Variants in RGS22 observed in about 807,000 individuals in gnomAD.
The protein encoded by RGS22 is regulator of G-protein signaling 22.
Under a neutral mutation model 172.9 loss-of-function variants are expected in RGS22, and 148 were observed. The observed-to-expected ratio is 0.86, with a 90% CI of 0.75 to 0.98. The LOEUF (loss-of-function observed/expected upper bound fraction) is 0.98. Among genes scored for constraint, RGS22 ranks in the 50% least tolerant of loss-of-function variants. The pLI is 0.00. For synonymous variants in RGS22, 458 were observed against 480.2 expected (o/e 0.95, Z 0.60); for missense variants, 1,347 against 1,440.8 (o/e 0.93, Z 1.05).
intron 14 of RGS22, among the ~76,000 whole-genome samples, chr8:100,016,498 C>T (rs895765316): frequency 2.0e-5 from 3 of 152,152 alleles, no homozygotes; most frequent in African/African-American, 7.2e-5. Context: ...CACTCTCCTG[C>T]TGGGTGTGGT....
chr8:100,098,403 C>T lies in RGS22; in HGVS notation c.55-4894G>A, dbSNP rs116591477. 4.6e-3 allele frequency among the ~76,000 whole-genome samples: 695 copies of T among 152,234 alleles called. 8 individuals carry two copies. Among genetic ancestry groups the T allele is most frequent in the African/African-American group, 0.016 (645 of 41,538 alleles). On this transcript the variant is annotated intron_variant, in intron 2 of 27. Transcript: ENST00000360863. ...AGAAAAGGGTCAGAAAAAGAGAATG[C>T]AAGGTGAGACAAGCTCCACAACACA...
At chr8:100,013,981 CTTAT>C (rs1310473263) in intron 14 of RGS22, among the ~76,000 whole-genome samples, 2 of 152,114 alleles carry the variant, frequency 1.3e-5, no homozygotes, top group African/African-American at 4.8e-5. Flanking sequence ...TACATTTTTG[CTTAT>C]TTCTAATCAA....
In RGS22 at chr8:100,063,755, TC is replaced by T; in HGVS notation, c.1012del (p.Glu338LysfsTer6). 1.2e-6 allele frequency: 2 copies of T among 1,614,100 alleles called. No homozygotes were observed. Among genetic ancestry groups the T allele is most frequent in the Non-Finnish European group, 1.7e-6 (2 of 1,180,000 alleles). The stretch of plus-strand genomic sequence containing the variant: ...GTTGAAGTTTATATAGTCTGGGGTT[TC>T]TCCAACTGGCTTTCCAACAATTTGC... Reference protein sequence around the residue: ...IQQIVGKPVGETPDYINFNNI... With the variant: ...IQQIVGKPVGXTPDYINFNNI... On this transcript the variant is annotated frameshift_variant, in exon 8 of 28. Coordinates refer to ENST00000360863, the MANE Select transcript of RGS22 (RefSeq NM_015668.5). LOFTEE classifies it high-confidence loss of function.
At chr8:99,992,965 C>A (rs1240653245) in intron 20 of RGS22, among the ~76,000 whole-genome samples, 1 of 152,234 alleles carries the variant, frequency 6.6e-6, no homozygotes, top group East Asian at 1.9e-4. Flanking sequence ...AAGAAACTCA[C>A]TCAAAACCAC....
intron 19 of RGS22, 113 bp from the exon 20 acceptor site, chr8:99,996,643 T>C: frequency 2.2e-6 from 2 of 915,450 alleles, no homozygotes; most frequent in Non-Finnish European, 3.3e-6. Flanking sequence ...CAAGAGATAG[T>C]GAAGTTTAGG....
chr8:100,080,282 A>G lies in RGS22; in HGVS notation c.191T>C (p.Leu64Pro). The G allele has an allele frequency of 6.2e-7, 1 of 1,613,844 alleles. No individual in the cohort carries two copies. Among genetic ancestry groups the G allele is most frequent in the Non-Finnish European group, 8.5e-7 (1 of 1,179,842 alleles). The change falls in exon 4 of 28, where the codon CTG (leucine) becomes CCG (proline). Residue 64 changes from leucine to proline, a missense_variant. Transcript: ENST00000360863. ...FEVANDAPQFLEKQLKKILQN... is the reference protein window; with the variant it reads ...FEVANDAPQFPEKQLKKILQN... ...TAGAATTTTTTTCAGTTGTTTTTCC[A>G]GAAATTGTGGAGCATCATTAGCTAC... is the stretch of plus-strand genomic sequence containing the variant.
intron 23 of RGS22, among the ~76,000 whole-genome samples, chr8:99,968,070 C>T (rs181006525): frequency 1.3e-5 from 2 of 152,274 alleles, no homozygotes; most frequent in East Asian, 1.9e-4. Context: ...CAGCCTCTGC[C>T]GGTGATAACC....
chr8:100,047,128 T>C lies in RGS22; in HGVS notation c.1823+335A>G, dbSNP rs557149870. Among the ~76,000 whole-genome samples the C allele has an allele frequency of 7.9e-5, 12 of 152,320 alleles. No homozygotes were observed. In the South Asian group the frequency reaches 2.1e-3, roughly 26 times the overall value. ...CCGTGTCTGGTCAGTAACAATATTC[T>C]TGACAATATTCTTGAGAGTCTTATA... On this transcript the variant is annotated intron_variant, in intron 11 of 27. Coordinates refer to ENST00000360863, the MANE Select transcript of RGS22 (RefSeq NM_015668.5).
chr8:99,999,018 G>A (rs1814692419), intron 19 of RGS22, among the ~76,000 whole-genome samples: 1 of 152,000 alleles, frequency 6.6e-6, no homozygotes, highest in South Asian at 2.1e-4. Flanking sequence ...AATTAGCTGG[G>A]CATGGTAGTG....
At chr8:99,994,753 G>GA (rs1170741476) in intron 20 of RGS22, among the ~76,000 whole-genome samples, 14 of 151,636 alleles carry the variant, frequency 9.2e-5, no homozygotes, top group Admixed American at 2.6e-4. Flanking sequence ...CACAGAATTA[G>GA]AAAAAAAACT....
chr8:100,091,938 A>G (rs1469687975), intron 3 of RGS22: 4 of 152,214 alleles, frequency 2.6e-5, no homozygotes, highest in African/African-American at 9.6e-5. Context: ...GAAAGGGAGC[A>G]GGAGCTTTGG....
At chr8:99,962,500 G>A in intron 26 of RGS22, 57 bp from the exon 27 acceptor site, 1 of 1,552,916 alleles carries the variant, frequency 6.4e-7, no homozygotes, top group Non-Finnish European at 8.9e-7. Flanking sequence ...TAGCAGAGGA[G>A]AGGAACAGAG....
chr8:100,089,691 C>T (rs1286232870), intron 3 of RGS22, among the ~76,000 whole-genome samples: 1 of 152,118 alleles, frequency 6.6e-6, no homozygotes, highest in Non-Finnish European at 1.5e-5. Flanking sequence ...GCTTTCTGTG[C>T]TCCAGACTAA....
rs373970879 is a variant in RGS22, at chr8:99,981,959, G to C, written c.3338C>G (p.Pro1113Arg). 3 of 1,612,520 alleles carry C rather than the reference G, an allele frequency of 1.9e-6. No individual in the cohort carries two copies. Among genetic ancestry groups the C allele is most frequent in the African/African-American group, 1.3e-5 (1 of 74,872 alleles). The change falls in exon 22 of 28, where the codon CCA becomes CGA. Residue 1113 changes from proline (P) to arginine (R), a missense_variant. Physicochemically the swap from Pro to Arg is moderately radical, Grantham distance 103 (BLOSUM62 -2). Transcript: ENST00000360863. ...TACCTGTGCCTCTCTAAATACATATGGTCCTAACTCCTTCCGGTGTTCAAT... is the reference window on the plus strand; with the variant it reads ...TACCTGTGCCTCTCTAAATACATATCGTCCTAACTCCTTCCGGTGTTCAAT... ...KIIEHRKELG[P>R]YVFREAQMTI...
At chr8:99,998,546 C>T (rs1049139845) in intron 19 of RGS22, among the ~76,000 whole-genome samples, 2 of 152,166 alleles carry the variant, frequency 1.3e-5, no homozygotes. Flanking sequence ...ATAGCCACTG[C>T]ACTCCAGTTT....
rs1474904789 is a variant in RGS22, at chr8:100,051,551, G to GTAAATATA, written c.1689+1250_1689+1251insTATATTTA. ...TATTTATACATATATATTTATACAT[G>GTAAATATA]TATTTATATAAATATATATTTATAT... On this transcript the variant is annotated intron_variant, in intron 10 of 27. Transcript: ENST00000360863. Among the ~76,000 whole-genome samples the GTAAATATA allele has an allele frequency of 4.6e-4, 12 of 26,300 alleles. 3 individuals are homozygous for GTAAATATA. Among genetic ancestry groups the GTAAATATA allele is most frequent in the African/African-American group, 2.5e-3 (11 of 4,360 alleles). 17.3% of individuals were successfully genotyped at this position (26,300 alleles called of 152,430 possible). A position where few individuals can be genotyped will look rare whatever the true frequency, so the allele number is the denominator to read the frequency against.
At chr8:100,017,331 G>A (rs1480933150) in intron 14 of RGS22, among the ~76,000 whole-genome samples, 1 of 151,990 alleles carries the variant, frequency 6.6e-6, no homozygotes, top group African/African-American at 2.4e-5. Context: ...GGCTTGTGAG[G>A]TCATCCAATC....
intron 2 of RGS22, among the ~76,000 whole-genome samples, chr8:100,093,839 G>A (rs1812769248): frequency 1.3e-5 from 2 of 152,100 alleles, no homozygotes; most frequent in Middle Eastern, 3.4e-3. Flanking sequence ...ACCACCACAT[G>A]GTAAGTTTCA....
At chr8:100,099,389 T>C (rs1813287550) in intron 2 of RGS22, among the ~76,000 whole-genome samples, 1 of 152,182 alleles carries the variant, frequency 6.6e-6, no homozygotes, top group African/African-American at 2.4e-5. Context: ...GGTCACCTTG[T>C]CTCCCATTCT....
Sources: gnomAD v4.1 joint callset for allele counts (sites outside exome capture counted in the v4.1 genomes callset) on GRCh38, gnomAD v4.1.1 for gene constraint, MANE v1.5 for transcripts, NCBI Gene and HGNC (gene_info 2026-07-23, HGNC 2026-07-21) for gene names.